FOXP2: variants seen among roughly 807,000 people sequenced by gnomAD.
FOXP2 encodes forkhead box P2, also known as forkhead box protein P2.
Under a neutral mutation model 115.8 loss-of-function variants are expected in FOXP2, and 12 were observed. The observed-to-expected ratio is 0.10, with a 90% confidence interval of 0.07 to 0.17. The LOEUF is 0.17. Ranked by LOEUF, FOXP2 falls within the 10% of genes least tolerant of loss-of-function variation. FOXP2 has a pLI of 1.00. For missense variants in FOXP2, 629 were observed against 843.5 expected (o/e 0.75, Z 3.15); for synonymous variants, 328 against 297.7 (o/e 1.10, Z -1.05).
chr7:114,097,724 C>T (rs1463776312), intron 1 of FOXP2, among the ~76,000 whole-genome samples: 3 of 152,170 alleles, frequency 2.0e-5, no homozygotes, highest in Non-Finnish European at 4.4e-5. Context: ...CTTATTCCCA[C>T]AGGTGTTTGT....
intron 3 of FOXP2, among the ~76,000 whole-genome samples, chr7:114,623,472 C>A (rs1046742159): frequency 6.6e-6 from 1 of 151,814 alleles, no homozygotes; most frequent in African/African-American, 2.4e-5. Flanking sequence ...AAGGCCTAAA[C>A]CAAAGATGTA....
intron 2 of FOXP2, among the ~76,000 whole-genome samples, chr7:114,485,102 A>G (rs529796001): frequency 1.3e-5 from 2 of 152,116 alleles, no homozygotes; most frequent in South Asian, 4.1e-4. Flanking sequence ...TATAAAATAT[A>G]TATGCTTTGC....
chr7:114,119,558 T>A (rs1278179640), intron 1 of FOXP2, among the ~76,000 whole-genome samples: 1 of 151,566 alleles, frequency 6.6e-6, no homozygotes, highest in Non-Finnish European at 1.5e-5. Flanking sequence ...CTAAAAAAAA[T>A]TAAAAATTTG....
intron 3 of FOXP2, chr7:114,570,890 C>G (rs1411852302): frequency 6.2e-7 from 1 of 1,610,610 alleles, no homozygotes; most frequent in Non-Finnish European, 8.5e-7. Context: ...CAGTAAGTTA[C>G]ACTGGGCAAT....
chr7:114,179,261 T>C (rs1246516004), intron 1 of FOXP2, among the ~76,000 whole-genome samples: 1 of 151,990 alleles, frequency 6.6e-6, no homozygotes. Flanking sequence ...TTTAAATCTA[T>C]ATAGATCATG....
intron 2 of FOXP2, among the ~76,000 whole-genome samples, chr7:114,518,976 A>G (rs1399689551): frequency 6.6e-6 from 1 of 152,018 alleles, no homozygotes; most frequent in Non-Finnish European, 1.5e-5. Context: ...TGTCTATTCT[A>G]CTCCACCATT....
intron 2 of FOXP2, among the ~76,000 whole-genome samples, chr7:114,516,816 C>T (rs568133328): frequency 6.6e-6 from 1 of 152,188 alleles, no homozygotes; most frequent in African/African-American, 2.4e-5. Flanking sequence ...TTGCCTCTGC[C>T]TCCTGAGTAG....
chr7:114,414,588 A>G (rs1167379145), upstream of FOXP2: 1 of 157,276 alleles, frequency 6.4e-6, no homozygotes, highest in Non-Finnish European at 1.4e-5. Flanking sequence ...AAGCTTGATT[A>G]ACATCTGCTT....
At position 114,401,029 on chromosome 7, in the gene FOXP2, G is replaced by T. The variant is rs910807942; in HGVS notation, c.-10-25473G>T. ...GGTAAACTTACCTAACAGGATTCTTGCTGTACATAGGCCAGGGTGATCAGA... is the reference window on the plus strand; with the variant it reads ...GGTAAACTTACCTAACAGGATTCTTTCTGTACATAGGCCAGGGTGATCAGA... On this transcript the variant is annotated intron_variant, in intron 2 of 17. Transcript: ENST00000634411. Among the ~76,000 whole-genome samples, 7 of 152,214 alleles carry T rather than the reference G, an allele frequency of 4.6e-5. No homozygotes were observed. The East Asian group carries it at 5.8e-4, about 13-fold the overall frequency.
chr7:114,318,260 C>T (rs928295142), intron 2 of FOXP2, among the ~76,000 whole-genome samples: 1 of 151,966 alleles, frequency 6.6e-6, no homozygotes. Flanking sequence ...AAATGCTTCT[C>T]CTGGATCTAG....
chr7:114,578,794 T>G (rs1484357347), intron 3 of FOXP2, among the ~76,000 whole-genome samples: 1 of 152,104 alleles, frequency 6.6e-6, no homozygotes, highest in African/African-American at 2.4e-5. Flanking sequence ...TATTTATAGG[T>G]CAAGGTTTTA....
At chr7:114,161,786 CT>C (rs1289323307), upstream of FOXP2, among the ~76,000 whole-genome samples, 2 of 151,638 alleles carry the variant, frequency 1.3e-5, no homozygotes, top group Non-Finnish European at 2.9e-5. Flanking sequence ...AGACATTTAT[CT>C]TTTTTTTGAG....
chr7:114,482,581 T>C (rs984219073), intron 2 of FOXP2, among the ~76,000 whole-genome samples: 2 of 151,604 alleles, frequency 1.3e-5, no homozygotes, highest in African/African-American at 4.8e-5. Flanking sequence ...TCTTTCCCTT[T>C]CATTTCCATC....
intron 3 of FOXP2, among the ~76,000 whole-genome samples, chr7:114,574,545 T>G (rs1438619880): frequency 6.6e-6 from 1 of 151,882 alleles, no homozygotes; most frequent in African/African-American, 2.4e-5. Flanking sequence ...ATTCTAAATT[T>G]CACAATCTTT....
At chr7:114,335,480 T>C (rs1428505318) in intron 2 of FOXP2, among the ~76,000 whole-genome samples, 1 of 151,564 alleles carries the variant, frequency 6.6e-6, no homozygotes, top group Admixed American at 6.6e-5. Flanking sequence ...CTTTACAAAC[T>C]ATTTTTTAAA....
At chr7:114,329,246 G>C (rs1324463703) in intron 2 of FOXP2, among the ~76,000 whole-genome samples, 1 of 152,098 alleles carries the variant, frequency 6.6e-6, no homozygotes, top group African/African-American at 2.4e-5. Flanking sequence ...GGCCAGGCAT[G>C]GTGGTTCACG....
At chr7:114,389,244 GACAATATGAC>G (rs1232858847) in intron 2 of FOXP2, among the ~76,000 whole-genome samples, 4 of 152,100 alleles carry the variant, frequency 2.6e-5, no homozygotes, top group Non-Finnish European at 4.4e-5. Flanking sequence ...AGCATACCAA[GACAATATGAC>G]ACATTGTGCA....
At chr7:114,546,702 G>A (rs1035100764) in intron 3 of FOXP2, among the ~76,000 whole-genome samples, 15 of 152,106 alleles carry the variant, frequency 9.9e-5, no homozygotes, top group African/African-American at 3.6e-4. Context: ...CCTCACACAA[G>A]TGAATATCCA....
chr7:114,419,343 G>A (rs77369014), intron 1 of FOXP2, among the ~76,000 whole-genome samples: 3,690 of 151,912 alleles, frequency 0.024, 71 homozygotes, highest in African/African-American at 0.053. Flanking sequence ...GAAATTTGAC[G>A]GAAAGGTTTA....
Sources: allele counts gnomAD v4.1 joint callset (sites outside exome capture counted in the v4.1 genomes callset), GRCh38; gene constraint gnomAD v4.1.1; transcripts MANE v1.5; gene names NCBI Gene and HGNC (gene_info 2026-07-23, HGNC 2026-07-21).